Variants in COG5 observed in about 807,000 individuals in gnomAD.
COG5 encodes the protein conserved oligomeric Golgi complex subunit 5.
A neutral mutation model predicts 110.4 loss-of-function variants in COG5; 86 were observed. The observed-to-expected ratio is 0.78, with a 90% CI of 0.65 to 0.93. The LOEUF is 0.93. Ranked by LOEUF, COG5 falls within the 40% of genes least tolerant of loss-of-function variation. COG5 has a pLI of 0.00. For synonymous variants in COG5, 360 were observed against 334.6 expected, an observed-to-expected ratio of 1.08 and a Z score of -0.83; for missense variants, 1,077 against 987.0, an observed-to-expected ratio of 1.09 and a Z score of -1.22.
intron 19 of COG5, among the ~76,000 whole-genome samples, chr7:107,220,043 C>T (rs1799800935): frequency 6.6e-6 from 1 of 152,258 alleles, no homozygotes; most frequent in Admixed American, 6.5e-5. Context: ...ATAGAGAAAT[C>T]CAGTAAAAGC....
At chr7:107,262,917 TGCCTTAAAAATGGTAATACCAC>T (rs1348353347) in intron 14 of COG5, among the ~76,000 whole-genome samples, 1 of 152,182 alleles carries the variant, frequency 6.6e-6, no homozygotes, top group Admixed American at 6.5e-5. Flanking sequence ...AACTGTAAAA[TGCCTTAAAAATGGTAATACCAC>T]ATATTTCTAT....
intron 14 of COG5, among the ~76,000 whole-genome samples, chr7:107,267,373 T>G (rs1235655670): frequency 6.6e-6 from 1 of 152,210 alleles, no homozygotes; most frequent in Non-Finnish European, 1.5e-5. Context: ...GAAAGGATCT[T>G]AAGCTTTTGA....
At chr7:107,433,765 A>T (rs1794181788) in intron 6 of COG5, among the ~76,000 whole-genome samples, 1 of 152,216 alleles carries the variant, frequency 6.6e-6, no homozygotes, top group African/African-American at 2.4e-5. Context: ...TGAATCTGGC[A>T]ATTTCTCACA....
At chr7:107,537,244 T>C (rs1801647643) in intron 5 of COG5, among the ~76,000 whole-genome samples, 1 of 151,964 alleles carries the variant, frequency 6.6e-6, no homozygotes, top group African/African-American at 2.4e-5. Flanking sequence ...AATCATTCTA[T>C]ACCCAAAGGA....
At chr7:107,430,951 C>A (rs189937098) in intron 6 of COG5, among the ~76,000 whole-genome samples, 1 of 151,878 alleles carries the variant, frequency 6.6e-6, no homozygotes, top group South Asian at 2.1e-4. Context: ...AAAGGTGATA[C>A]GATGCAGGGC....
intron 7 of COG5, among the ~76,000 whole-genome samples, chr7:107,399,249 C>G (rs1791248721): frequency 6.6e-6 from 1 of 151,942 alleles, no homozygotes; most frequent in Non-Finnish European, 1.5e-5. Flanking sequence ...ACTCATCAAA[C>G]TATACATTAA....
chr7:107,347,423 T>C (rs1811722089), intron 10 of COG5, among the ~76,000 whole-genome samples: 1 of 152,198 alleles, frequency 6.6e-6, no homozygotes, highest in Admixed American at 6.5e-5. Flanking sequence ...TTATAGGCAT[T>C]CATAGATTAT....
chr7:107,299,901 C>CAT (rs1326338754), intron 11 of COG5, among the ~76,000 whole-genome samples: 26 of 98,596 alleles, frequency 2.6e-4, no homozygotes, highest in Non-Finnish European at 5.4e-4. Context: ...TATGGAATTA[C>CAT]ATATATATAT....
chr7:107,253,592 T>C (rs1432650948), intron 16 of COG5, among the ~76,000 whole-genome samples: 1 of 152,122 alleles, frequency 6.6e-6, no homozygotes, highest in Non-Finnish European at 1.5e-5. Flanking sequence ...GTGGTTATAA[T>C]GAAATAACTC....
chr7:107,346,204 CAT>C (rs1811585038), intron 10 of COG5, among the ~76,000 whole-genome samples: 1 of 152,130 alleles, frequency 6.6e-6, no homozygotes, highest in Non-Finnish European at 1.5e-5. Context: ...CAAGAACAAA[CAT>C]ATTATGGAAA....
chr7:107,206,851 G>A (rs988426740), intron 21 of COG5, among the ~76,000 whole-genome samples: 6 of 152,144 alleles, frequency 3.9e-5, no homozygotes, highest in Non-Finnish European at 7.3e-5. Context: ...CAAGATTTTC[G>A]AGTACTTATT....
At chr7:107,392,910 A>G (rs1271212248) in intron 7 of COG5, among the ~76,000 whole-genome samples, 1 of 152,124 alleles carries the variant, frequency 6.6e-6, no homozygotes, top group Non-Finnish European at 1.5e-5. Flanking sequence ...TGCATACCAC[A>G]TGTATTCCTC....
At chr7:107,240,179 T>C (rs1374918543) in intron 17 of COG5, among the ~76,000 whole-genome samples, 1 of 152,192 alleles carries the variant, frequency 6.6e-6, no homozygotes, top group Non-Finnish European at 1.5e-5. Context: ...AAATTTCAAA[T>C]ACCAAGAAAC....
At chr7:107,279,668 A>G (rs1196342173) in intron 14 of COG5, among the ~76,000 whole-genome samples, 1 of 152,172 alleles carries the variant, frequency 6.6e-6, no homozygotes, top group Non-Finnish European at 1.5e-5. Flanking sequence ...AAAATAAGGC[A>G]TATGATGTTT....
At chr7:107,224,766 C>T (rs1800198226) in intron 19 of COG5, among the ~76,000 whole-genome samples, 1 of 152,244 alleles carries the variant, frequency 6.6e-6, no homozygotes, top group Admixed American at 6.5e-5. Context: ...AAGACGGGGT[C>T]TCTATAGCTC....
intron 7 of COG5, among the ~76,000 whole-genome samples, chr7:107,390,658 C>T (rs1161571832): frequency 2.6e-5 from 4 of 151,034 alleles, no homozygotes; most frequent in African/African-American, 7.3e-5. Context: ...GAAGGGTATG[C>T]AAGATCATCT....
chr7:107,250,887 A>C (rs1204892907), intron 16 of COG5, among the ~76,000 whole-genome samples: 1 of 152,038 alleles, frequency 6.6e-6, no homozygotes, highest in Non-Finnish European at 1.5e-5. Context: ...AAAAACTGCA[A>C]AATGTCTAAT....
chr7:107,298,338 AC>A lies in COG5; in HGVS notation c.1116del (p.Met372IlefsTer3), dbSNP rs1465729653. 6.2e-7 allele frequency: 1 copy of A among 1,612,606 alleles called. No homozygotes were observed. Among genetic ancestry groups the A allele is most frequent in the African/African-American group, 1.3e-5 (1 of 74,880 alleles). ...SQFHMATNSS[M>X]FLKQAFEGEY... is the part of the protein sequence containing the mutation. ...TCTCCTTCAAATGCCTGCTTCAAAA[AC>A]ATCGAAGCTGCCAAGCAAAACAAGA... On this transcript the variant is annotated frameshift_variant, in exon 12 of 22. Transcript: ENST00000297135. LOFTEE classifies it high-confidence loss of function.
At chr7:107,411,761 T>C (rs748979603) in intron 7 of COG5, among the ~76,000 whole-genome samples, 9 of 152,188 alleles carry the variant, frequency 5.9e-5, no homozygotes, top group African/African-American at 2.2e-4. Context: ...ATTAATAACA[T>C]TGTTTCTGTC....
Sources: allele counts gnomAD v4.1 joint callset (sites outside exome capture counted in the v4.1 genomes callset), GRCh38; gene constraint gnomAD v4.1.1; transcripts MANE v1.5; gene names NCBI Gene and HGNC (gene_info 2026-07-23, HGNC 2026-07-21).